CUX1: variants seen among roughly 807,000 people sequenced by gnomAD.
CUX1 encodes the protein protein CASP.
CUX1 carries 31 observed loss-of-function variants against 158.8 expected under a neutral mutation model. The observed-to-expected ratio is 0.20, with a 90% CI of 0.15 to 0.26. The LOEUF (loss-of-function observed/expected upper bound fraction) is 0.26. Ranked by LOEUF, CUX1 falls within the 10% of genes least tolerant of loss-of-function variation. CUX1 has a pLI of 1.00. For synonymous variants in CUX1, 879 were observed against 862.1 expected (o/e 1.02, Z -0.34); for missense variants, 1,589 against 2,014.6 (o/e 0.79, Z 4.04).
intron 9 of CUX1, among the ~76,000 whole-genome samples, chr7:102,165,328 G>C (rs1364083416): frequency 6.6e-6 from 1 of 151,168 alleles, no homozygotes. Context: ...CATCCCAATC[G>C]GGCACTGCGG....
chr7:102,192,116 G>A (rs868941996), intron 12 of CUX1, among the ~76,000 whole-genome samples: 33 of 152,232 alleles, frequency 2.2e-4, no homozygotes, highest in Middle Eastern at 3.4e-3. Context: ...GTGCTCTTGA[G>A]CTCTTGCCCG....
chr7:101,837,817 C>CGA (rs1366564481), intron 1 of CUX1, among the ~76,000 whole-genome samples: 3 of 94,792 alleles, frequency 3.2e-5, no homozygotes, highest in Admixed American at 1.7e-4. Context: ...GGTGACAGAA[C>CGA]GAGACCCTGT....
intron 6 of CUX1, 54 bp downstream of exon 6, chr7:102,104,513 T>C (rs1466008718): frequency 1.3e-6 from 2 of 1,590,754 alleles, no homozygotes; most frequent in African/African-American, 1.4e-5. Flanking sequence ...CCCCTGAACT[T>C]CACATCATCA....
intron 2 of CUX1, among the ~76,000 whole-genome samples, chr7:101,954,575 G>A (rs185364206): frequency 1.4e-4 from 22 of 152,288 alleles, no homozygotes; most frequent in African/African-American, 4.8e-4. Context: ...TTGGGAGGCC[G>A]AGGCAGGCAG....
chr7:102,066,121 G>A (rs995979926), intron 3 of CUX1, among the ~76,000 whole-genome samples: 5 of 152,066 alleles, frequency 3.3e-5, no homozygotes, highest in Admixed American at 6.6e-5. Context: ...CGATGTCCAC[G>A]GGGCTGGTTC....
intron 22 of CUX1, 37 bp from the exon 23 acceptor site, chr7:102,239,283 T>A: frequency 6.3e-7 from 1 of 1,575,744 alleles, no homozygotes; most frequent in African/African-American, 1.3e-5. Context: ...CTGTCCCAGC[T>A]GGGCCTGACC....
In CUX1 at chr7:102,013,773, C is replaced by T. The variant is rs117335089; in HGVS notation, c.142-14325C>T. Among the ~76,000 whole-genome samples the T allele has an allele frequency of 1.8e-3, 277 of 152,264 alleles. 4 individuals are homozygous for T. In the East Asian group the frequency reaches 0.041, roughly 22 times the overall value. ...AGGCTGGAGTGCAGTGGCACAGTCA[C>T]GGCTCACTGCACCCTCGACCTCTCT... On this transcript the variant is annotated intron_variant, in intron 2 of 23. Coordinates refer to ENST00000292535, the MANE Select transcript of CUX1 (RefSeq NM_181552.4).
At chr7:102,049,363 G>C (rs1232122133) in intron 3 of CUX1, among the ~76,000 whole-genome samples, 1 of 152,166 alleles carries the variant, frequency 6.6e-6, no homozygotes, top group Non-Finnish European at 1.5e-5. Context: ...GGAGTAAATG[G>C]GCCCAGAGAG....
intron 8 of CUX1, among the ~76,000 whole-genome samples, chr7:102,146,279 TG>T (rs542061441): frequency 9.2e-5 from 14 of 152,156 alleles, no homozygotes; most frequent in Non-Finnish European, 1.8e-4. Flanking sequence ...GTTCCCTGCC[TG>T]GAGATGACTG....
chr7:102,282,630 A>G (rs1792168038), intron 21 of CUX1: 1 of 1,469,818 alleles, frequency 6.8e-7, no homozygotes, highest in Non-Finnish European at 9.3e-7. Flanking sequence ...TTTATGTTCC[A>G]GGCCAGGCCC....
rs934153869 is a variant in CUX1, at chr7:102,254,834, G to A, written c.*5792G>A. On this transcript the variant is annotated 3_prime_UTR_variant, in exon 24 of 24. Transcript: ENST00000292535. ...GCCAGTCTGGCCGGCACACTCGAACGCTAAGAGAATGGTCCAATTTGATGA... is the reference window on the plus strand; with the variant it reads ...GCCAGTCTGGCCGGCACACTCGAACACTAAGAGAATGGTCCAATTTGATGA... The A allele has an allele frequency of 7.1e-6, 7 of 985,342 alleles. No homozygotes were observed. The highest frequency in any genetic ancestry group is 8.4e-6 in the Non-Finnish European group (7 of 829,958). The allele number at this position is 985,342 out of a possible 1,614,324, so 61.0% of individuals were successfully genotyped here.
intron 1 of CUX1, chr7:101,913,156 A>C (rs1416767036): frequency 4.0e-6 from 1 of 248,258 alleles, no homozygotes; most frequent in Non-Finnish European, 8.4e-6. Flanking sequence ...TGTTTTTTAA[A>C]AAAATTTTCT....
intron 3 of CUX1, among the ~76,000 whole-genome samples, chr7:102,035,812 G>T (rs1267060054): frequency 2.6e-5 from 4 of 151,964 alleles, no homozygotes; most frequent in Non-Finnish European, 5.9e-5. Flanking sequence ...CTATTGAAGC[G>T]ATCACTTTTC....
chr7:102,125,851 C>G (rs1832579959), intron 8 of CUX1: 1 of 151,516 alleles, frequency 6.6e-6, no homozygotes, highest in South Asian at 2.1e-4. Flanking sequence ...TTTTTTGAGA[C>G]AAGGTCTCAC....
intron 3 of CUX1, among the ~76,000 whole-genome samples, chr7:102,046,611 C>G (rs1208752387): frequency 1.1e-5 from 1 of 93,236 alleles, no homozygotes; most frequent in East Asian, 2.7e-4. Context: ...CAGTCTCACT[C>G]TGTCACCCAG....
chr7:102,105,105 G>A (rs1302963599), intron 6 of CUX1, among the ~76,000 whole-genome samples: 3 of 152,070 alleles, frequency 2.0e-5, no homozygotes, highest in African/African-American at 7.2e-5. Context: ...CCCAGTGTGT[G>A]TCCTCTGGGG....
At chr7:102,283,048 C>A in exon 23 of CUX1, 2 of 1,613,502 alleles carry the variant, frequency 1.2e-6, no homozygotes, top group Non-Finnish European at 1.7e-6. Context: ...ACAAGTTCCA[C>A]GAGAATGACA....
intron 2 of CUX1, among the ~76,000 whole-genome samples, chr7:101,985,361 A>G (rs1291677983): frequency 6.6e-6 from 1 of 152,118 alleles, no homozygotes; most frequent in Non-Finnish European, 1.5e-5. Flanking sequence ...GGTTCAGGGA[A>G]ACTGGGGAAA....
intron 8 of CUX1, among the ~76,000 whole-genome samples, chr7:102,129,548 G>A (rs959100417): frequency 2.0e-5 from 3 of 152,144 alleles, no homozygotes; most frequent in African/African-American, 7.2e-5. Flanking sequence ...GCTGGGCGTG[G>A]TAGTGGGTGC....
Sources: gnomAD v4.1 joint callset for allele counts (sites outside exome capture counted in the v4.1 genomes callset) on GRCh38, gnomAD v4.1.1 for gene constraint, MANE v1.5 for transcripts, NCBI Gene and HGNC (gene_info 2026-07-23, HGNC 2026-07-21) for gene names.